The following CUX1 variants were observed in gnomAD, a reference collection of about 807,000 sequenced individuals.
The protein encoded by CUX1 is cut like homeobox 1.
In CUX1, 31 loss-of-function variants were observed where a neutral mutation model predicts 158.8. The observed-to-expected ratio is 0.20, with a 90% CI of 0.15 to 0.26. The LOEUF (loss-of-function observed/expected upper bound fraction) is 0.26. Ranked by LOEUF, CUX1 falls within the 10% of genes least tolerant of loss-of-function variation. CUX1 has a pLI of 1.00. For missense variants in CUX1, 1,589 were observed against 2,014.6 expected (o/e 0.79, Z 4.04); for synonymous variants, 879 against 862.1 (o/e 1.02, Z -0.34).
intron 2 of CUX1, among the ~76,000 whole-genome samples, chr7:102,023,740 A>C (rs1437502328): frequency 6.6e-6 from 1 of 152,192 alleles, no homozygotes; most frequent in Non-Finnish European, 1.5e-5. Context: ...AATTAGAATG[A>C]GTGATTTTTG....
Position 102,035,797 on chromosome 7 carries a change from C to T in CUX1, c.189+7652C>T, listed in dbSNP as rs143698483. On this transcript the variant is annotated intron_variant, in intron 3 of 23. Transcript: ENST00000292535. Reference sequence around the variant, plus strand: ...GAAAGTATACAAGGAGAGAAATTTCCACTACTATTGAAGCGATCACTTTTC... The same window carrying T: ...GAAAGTATACAAGGAGAGAAATTTCTACTACTATTGAAGCGATCACTTTTC... 1.3e-4 allele frequency among the ~76,000 whole-genome samples: 20 copies of T among 151,930 alleles called. No individual in the cohort carries two copies. In the East Asian group the frequency reaches 3.9e-3, roughly 29 times the overall value.
intron 1 of CUX1, among the ~76,000 whole-genome samples, chr7:101,895,066 G>A (rs1156381715): frequency 6.6e-6 from 1 of 152,034 alleles, no homozygotes; most frequent in Non-Finnish European, 1.5e-5. Flanking sequence ...TGTCGCCCAG[G>A]CTGGAGTGCA....
At chr7:102,066,714 C>T (rs868380044) in intron 3 of CUX1, among the ~76,000 whole-genome samples, 1 of 152,196 alleles carries the variant, frequency 6.6e-6, no homozygotes, top group Non-Finnish European at 1.5e-5. Context: ...GACTCTGCTA[C>T]CCACCTGCCT....
chr7:102,256,762 GAGCCGTGGTC>G lies in CUX1; in HGVS notation c.*7723_*7732del, dbSNP rs1789935485. On this transcript the variant is annotated 3_prime_UTR_variant, in exon 24 of 24. Coordinates refer to ENST00000292535, the MANE Select transcript of CUX1 (RefSeq NM_181552.4). ...ACTTCTGGGTTCATGAAGTTTCGGC[GAGCCGTGGTC>G]AGAGAGGGCGCGGTGGCCTGGCCAA... The G allele has an allele frequency of 8.1e-6, 8 of 985,310 alleles. No homozygotes were observed. The highest frequency in any genetic ancestry group is 9.6e-6 in the Non-Finnish European group (8 of 829,962). 61.0% of individuals were successfully genotyped at this position (985,310 alleles called of 1,614,324 possible).
At chr7:101,873,320 T>C (rs1053006576) in intron 1 of CUX1, among the ~76,000 whole-genome samples, 11 of 149,942 alleles carry the variant, frequency 7.3e-5, no homozygotes, top group Admixed American at 7.3e-4. Context: ...TTAGCTATTT[T>C]TCCTAATGCT....
In CUX1 at chr7:101,943,169, C is replaced by G. The variant is rs945756949; in HGVS notation, c.141+26944C>G. ...TCACCCAGGCTGGAGTGCTGTGGTGCAATCTTGGCTCACTGCAACCTCCAC... is the reference window on the plus strand; with the variant it reads ...TCACCCAGGCTGGAGTGCTGTGGTGGAATCTTGGCTCACTGCAACCTCCAC... On this transcript the variant is annotated intron_variant, in intron 2 of 23. Transcript: ENST00000292535. Among the ~76,000 whole-genome samples, 13 of 145,254 alleles carry G rather than the reference C, an allele frequency of 8.9e-5. 1 individual carries two copies. The highest frequency in any genetic ancestry group is 8.7e-4 in the Admixed American group (12 of 13,844).
Position 102,204,567 on chromosome 7 carries a change from T to A in CUX1, c.3073+11T>A, listed in dbSNP as rs782101892. ...AGCAGCAAGGGCCAGGTAATGGGGG[T>A]CCTGCCACAGGAGAGGGGCTGCCCC... On this transcript the variant is annotated intron_variant, in intron 19 of 23. Transcript: ENST00000292535. 1.2e-6 allele frequency: 2 copies of A among 1,610,914 alleles called. No individual in the cohort carries two copies. Among genetic ancestry groups the A allele is most frequent in the Non-Finnish European group, 1.7e-6 (2 of 1,178,604 alleles).
chr7:101,818,717 G>GA (rs1394079130), intron 1 of CUX1, among the ~76,000 whole-genome samples: 4 of 152,098 alleles, frequency 2.6e-5, no homozygotes, highest in Admixed American at 6.6e-5. Context: ...AACTTTAGTC[G>GA]AATACGGAAT....
At chr7:102,243,858 C>T (rs1352757194) in intron 23 of CUX1, among the ~76,000 whole-genome samples, 2 of 151,226 alleles carry the variant, frequency 1.3e-5, no homozygotes, top group Admixed American at 1.3e-4. Context: ...TGAAACCCTG[C>T]CTCTACTAAA....
chr7:102,274,111 C>A, intron 15 of CUX1: 2 of 825,876 alleles, frequency 2.4e-6, no homozygotes, highest in Non-Finnish European at 2.0e-6. Context: ...CCTCCTGCAG[C>A]CAGCCTGCAC....
rs1019720528 is a variant in CUX1, at chr7:102,081,736, G to A, written c.268+11319G>A. On this transcript the variant is annotated intron_variant, in intron 4 of 23. Transcript: ENST00000292535. Reference sequence around the variant, plus strand: ...CAACCTCCTCCTCCTGGGTTCAAGCGATTCTCCTCCCTCAGCCTCCCTGGG... The same window carrying A: ...CAACCTCCTCCTCCTGGGTTCAAGCAATTCTCCTCCCTCAGCCTCCCTGGG... 9.6e-5 allele frequency among the ~76,000 whole-genome samples: 14 copies of A among 146,252 alleles called. 2 individuals carry two copies. Among genetic ancestry groups the A allele is most frequent in the Non-Finnish European group, 1.9e-4 (12 of 64,776 alleles).
chr7:101,859,182 G>A (rs1182543686), intron 1 of CUX1, among the ~76,000 whole-genome samples: 2 of 152,148 alleles, frequency 1.3e-5, no homozygotes, highest in Non-Finnish European at 2.9e-5. Flanking sequence ...GCTGAGCCTG[G>A]GGTTGAGAGC....
intron 1 of CUX1, among the ~76,000 whole-genome samples, chr7:101,853,905 C>T (rs1233960988): frequency 6.6e-6 from 1 of 152,174 alleles, no homozygotes; most frequent in Non-Finnish European, 1.5e-5. Flanking sequence ...GCAGGAGGGA[C>T]CTGACCGCAG....
At chr7:101,966,571 A>T (rs1811240452) in intron 2 of CUX1, among the ~76,000 whole-genome samples, 1 of 152,094 alleles carries the variant, frequency 6.6e-6, no homozygotes, top group Non-Finnish European at 1.5e-5. Context: ...GGAAAGTGGG[A>T]AGGCCTGGTG....
intron 23 of CUX1, among the ~76,000 whole-genome samples, chr7:102,247,565 T>C (rs782346537): frequency 6.6e-6 from 1 of 152,246 alleles, no homozygotes; most frequent in Non-Finnish European, 1.5e-5. Flanking sequence ...GGCTCATGCC[T>C]GTAATCCCAG....
chr7:102,000,384 A>G (rs1274272849), intron 2 of CUX1, among the ~76,000 whole-genome samples: 1 of 152,096 alleles, frequency 6.6e-6, no homozygotes, highest in Non-Finnish European at 1.5e-5. Flanking sequence ...ACCACTTCCA[A>G]ATGTTTTCCC....
downstream of CUX1, among the ~76,000 whole-genome samples, chr7:102,259,313 C>T (rs1448766883): frequency 2.0e-5 from 3 of 152,218 alleles, no homozygotes; most frequent in East Asian, 1.9e-4. Flanking sequence ...GCTGGCCCAG[C>T]GCAGTGGCTC....
At position 102,205,179 on chromosome 7, in the gene CUX1, C is replaced by A; in HGVS notation, c.3130+9C>A. On this transcript the variant is annotated intron_variant, in intron 20 of 23. Coordinates refer to ENST00000292535, the MANE Select transcript of CUX1 (RefSeq NM_181552.4). Reference sequence around the variant, plus strand: ...GGGCTGTGTGAGCTCAGGTAAGCAGCCAGTTTCTGTTGCTTTTGCATGAAA... The same window carrying A: ...GGGCTGTGTGAGCTCAGGTAAGCAGACAGTTTCTGTTGCTTTTGCATGAAA... The A allele has an allele frequency of 6.2e-7, 1 of 1,603,160 alleles. No individual in the cohort carries two copies. Among genetic ancestry groups the A allele is most frequent in the Non-Finnish European group, 8.5e-7 (1 of 1,170,988 alleles).
chr7:101,837,685 G>A (rs1249709285), intron 1 of CUX1, among the ~76,000 whole-genome samples: 2 of 151,824 alleles, frequency 1.3e-5, no homozygotes, highest in African/African-American at 4.8e-5. Context: ...AAAAGTAGCT[G>A]GGCATCATGG....
Sources: gnomAD v4.1 joint callset for allele counts (sites outside exome capture counted in the v4.1 genomes callset) on GRCh38, gnomAD v4.1.1 for gene constraint, MANE v1.5 for transcripts, NCBI Gene and HGNC (gene_info 2026-07-23, HGNC 2026-07-21) for gene names.